Variants in FGF12 observed in about 807,000 individuals in gnomAD.
The protein encoded by FGF12 is fibroblast growth factor 12, also known as fibroblast growth factor 12B.
FGF12 carries 14 observed loss-of-function variants against 23.6 expected under a neutral mutation model. That is an observed-to-expected ratio of 0.59 (90% confidence interval 0.39 to 0.93). The LOEUF is 0.93. Ranked by LOEUF, FGF12 falls within the 40% of genes least tolerant of loss-of-function variation. The pLI, the probability that FGF12 is intolerant of heterozygous loss-of-function variation, is 0.00. For synonymous variants in FGF12, 62 were observed against 77.3 expected, an observed-to-expected ratio of 0.80 and a Z score of 1.04; for missense variants, 175 against 217.8, an observed-to-expected ratio of 0.80 and a Z score of 1.24.
At position 192,409,682 on chromosome 3, in the gene FGF12, C is replaced by T. The variant is rs1296674544; in HGVS notation, c.14-49144G>A. Among the ~76,000 whole-genome samples, 1 of 152,178 alleles carries T rather than the reference C, an allele frequency of 6.6e-6. No homozygotes were observed. Among genetic ancestry groups the T allele is most frequent in the Non-Finnish European group, 1.5e-5 (1 of 68,004 alleles). On this transcript the variant is annotated intron_variant, in intron 2 of 5. Transcript: ENST00000445105. This position sits in a 1 kb window ranked among gnomAD's most constrained non-coding sequence, Gnocchi z 4.8. ...CGATGTTGGCTCGCGGCGGCTGAGG[C>T]TCCTGGCCGGAGCTGCCCACCATGG... is the stretch of plus-strand genomic sequence containing the variant.
intron 2 of FGF12, among the ~76,000 whole-genome samples, chr3:192,483,616 A>T (rs1723542405): frequency 6.6e-6 from 1 of 152,162 alleles, no homozygotes; most frequent in Non-Finnish European, 1.5e-5. Context: ...GTTACAAGCT[A>T]TTTGTGTAAA....
intron 2 of FGF12, among the ~76,000 whole-genome samples, chr3:192,679,495 G>A (rs1717443221): frequency 6.6e-6 from 1 of 152,092 alleles, no homozygotes; most frequent in Non-Finnish European, 1.5e-5. Flanking sequence ...CTACTCAGGA[G>A]GTGGGAGGTC....
intron 2 of FGF12, among the ~76,000 whole-genome samples, chr3:192,426,114 A>G (rs1488518966): frequency 6.6e-6 from 1 of 152,216 alleles, no homozygotes; most frequent in East Asian, 1.9e-4. Context: ...GCTATACATA[A>G]CACACAGCAT....
At chr3:192,280,226 T>A (rs368811765) in intron 4 of FGF12, among the ~76,000 whole-genome samples, 2 of 152,054 alleles carry the variant, frequency 1.3e-5, no homozygotes, top group African/African-American at 2.4e-5. Flanking sequence ...TGTAATGAGG[T>A]TTTTTTCCAA....
chr3:192,559,959 C>A (rs1254312271), intron 2 of FGF12, among the ~76,000 whole-genome samples: 1 of 151,982 alleles, frequency 6.6e-6, no homozygotes, highest in African/African-American at 2.4e-5. Flanking sequence ...CTTTCAAATG[C>A]TAAAAATGTT....
intron 2 of FGF12, among the ~76,000 whole-genome samples, chr3:192,697,745 C>T (rs1321054551): frequency 2.0e-5 from 3 of 151,744 alleles, no homozygotes; most frequent in African/African-American, 7.3e-5. Context: ...ACTGACTTCA[C>T]TGGCTTCCTT....
At chr3:192,231,596 C>T (rs1393351588) in intron 4 of FGF12, among the ~76,000 whole-genome samples, 2 of 151,872 alleles carry the variant, frequency 1.3e-5, no homozygotes, top group Non-Finnish European at 2.9e-5. Flanking sequence ...ATGGTGAAAC[C>T]CCATCTCTAC....
chr3:192,671,776 A>AACACACACACACACAC (rs3044660), intron 2 of FGF12, among the ~76,000 whole-genome samples: 2 of 149,360 alleles, frequency 1.3e-5, no homozygotes, highest in Non-Finnish European at 3.0e-5. Flanking sequence ...CTTCTTGACC[A>AACACACACACACACAC]ACACACACAC....
At chr3:192,508,918 T>C (rs948737515) in intron 2 of FGF12, among the ~76,000 whole-genome samples, 9 of 152,156 alleles carry the variant, frequency 5.9e-5, no homozygotes, top group African/African-American at 1.9e-4. Flanking sequence ...CAAGTAAGGG[T>C]TGTTGAACTG....
intron 2 of FGF12, among the ~76,000 whole-genome samples, chr3:192,658,155 A>G (rs953158822): frequency 1.7e-4 from 26 of 152,346 alleles, no homozygotes; most frequent in African/African-American, 6.3e-4. Context: ...ACCATGGTAA[A>G]TGTGCTACAT....
intron 2 of FGF12, among the ~76,000 whole-genome samples, chr3:192,660,510 A>G (rs1282672719): frequency 2.6e-5 from 4 of 151,298 alleles, no homozygotes; most frequent in Non-Finnish European, 4.4e-5. Context: ...TAAAGTATAA[A>G]AAAAAAAAAA....
intron 2 of FGF12, among the ~76,000 whole-genome samples, chr3:192,640,787 C>A (rs966821516): frequency 7.5e-6 from 1 of 133,414 alleles, no homozygotes; most frequent in South Asian, 2.7e-4. Context: ...AGAGTTAAAA[C>A]CCCTTTTTTT....
chr3:192,577,710 T>C (rs889909706), intron 2 of FGF12, among the ~76,000 whole-genome samples: 2 of 152,224 alleles, frequency 1.3e-5, no homozygotes, highest in African/African-American at 2.4e-5. Flanking sequence ...AATATCTGAA[T>C]ACCACTGTAC....
chr3:192,536,020 T>A (rs1342571644), intron 2 of FGF12, among the ~76,000 whole-genome samples: 1 of 152,200 alleles, frequency 6.6e-6, no homozygotes, highest in African/African-American at 2.4e-5. Flanking sequence ...TAACATTATG[T>A]CCTAATACAA....
chr3:192,727,083 T>C (rs1719242447), intron 2 of FGF12, 98 bp downstream of exon 2: 9 of 1,436,668 alleles, frequency 6.3e-6, no homozygotes, highest in Middle Eastern at 1.7e-4. Flanking sequence ...CGACCTAGTA[T>C]GATGCTCGCT....
intron 2 of FGF12, among the ~76,000 whole-genome samples, chr3:192,468,240 A>T (rs1020266996): frequency 6.6e-6 from 1 of 152,210 alleles, no homozygotes; most frequent in Non-Finnish European, 1.5e-5. Flanking sequence ...AACAGTTCAC[A>T]CAATCACAGT....
In FGF12 at chr3:192,679,516, G is replaced by A. The variant is rs1717444098; in HGVS notation, c.13+47665C>T. On this transcript the variant is annotated intron_variant, in intron 2 of 5. Coordinates refer to ENST00000445105, the MANE Select transcript of FGF12 (RefSeq NM_004113.6). ...AGGAGGTGGGAGGTCAGAGGTGGGA[G>A]GATGGTTTGAGCCCTGGAGTTTGAG... Among the ~76,000 whole-genome samples, 4 of 152,060 alleles carry A rather than the reference G, an allele frequency of 2.6e-5. No individual in the cohort carries two copies. In the South Asian group the frequency reaches 8.3e-4, roughly 31 times the overall value.
intron 2 of FGF12, among the ~76,000 whole-genome samples, chr3:192,437,354 C>T (rs1054263752): frequency 5.3e-5 from 8 of 152,164 alleles, no homozygotes; most frequent in Admixed American, 1.3e-4. Context: ...GAGGTAGCAT[C>T]GCCTTTTAGC....
intron 2 of FGF12, among the ~76,000 whole-genome samples, chr3:192,452,445 G>A (rs964385054): frequency 1.3e-5 from 2 of 152,076 alleles, no homozygotes; most frequent in African/African-American, 2.4e-5. Flanking sequence ...TCTGTGTTAC[G>A]TGCTATAGTC....
Sources: allele counts gnomAD v4.1 joint callset (sites outside exome capture counted in the v4.1 genomes callset), GRCh38; gene constraint gnomAD v4.1.1; non-coding constraint Gnocchi (gnomAD v3.1); transcripts MANE v1.5; gene names NCBI Gene and HGNC (gene_info 2026-07-23, HGNC 2026-07-21).